Variants in IFNA14 observed in about 807,000 individuals in gnomAD.
The protein encoded by IFNA14 is interferon alpha 14, also known as interferon alpha-14.
For synonymous variants in IFNA14, 113 were observed against 76.8 expected, an observed-to-expected ratio of 1.47 and a Z score of -2.46; for missense variants, 337 against 214.9, an observed-to-expected ratio of 1.57 and a Z score of -3.55.
Position 21,239,304 on chromosome 9 carries a change from A to C in IFNA14, c.*62T>G, listed in dbSNP as rs1242346330. On this transcript the variant is annotated 3_prime_UTR_variant, in exon 1 of 1. Transcript: ENST00000380222. ...AGAAGTGAGTCTTTGAAATGGAAGA[A>C]CTCATGAAAGTGTGAGATGATGTAT... 6.2e-7 allele frequency: 1 copy of C among 1,600,108 alleles called. No homozygotes were observed. Among genetic ancestry groups the C allele is most frequent in the African/African-American group, 1.4e-5 (1 of 73,874 alleles).
Position 21,239,455 on chromosome 9 carries a change from G to A in IFNA14, c.481C>T (p.Pro161Ser), listed in dbSNP as rs1481273236. ...TLYLMEKKYS[P>S]CAWEVVRAEI... is the part of the protein sequence containing the mutation. Reference sequence around the variant, plus strand: ...GCTCTGACAACCTCCCAGGCACAAGGGCTGTATTTCTTCTCCATCAGATAA... The same window carrying A: ...GCTCTGACAACCTCCCAGGCACAAGAGCTGTATTTCTTCTCCATCAGATAA... Residue 161 changes from proline (P) to serine (S), a missense_variant, in exon 1 of 1, where the codon CCT (proline) becomes TCT (serine). Pro to Ser is a moderately conservative substitution (Grantham distance 74). Coordinates refer to ENST00000380222, the MANE Select transcript of IFNA14 (RefSeq NM_002172.3). The A allele has an allele frequency of 6.2e-7, 1 of 1,613,884 alleles. No homozygotes were observed. Among genetic ancestry groups the A allele is most frequent in the Non-Finnish European group, 8.5e-7 (1 of 1,180,014 alleles).
chr9:21,239,675 G>C lies in IFNA14; in HGVS notation c.261C>G (p.Thr87=), dbSNP rs776530419. Residue 87 remains threonine (T), a synonymous_variant, in exon 1 of 1, where the codon ACC becomes ACG. Transcript: ENST00000380222. ...ISVLHEMMQQ[T]FNLFSTKNSS... is the part of the protein sequence containing the mutation. ...AGTTCTTTGTGCTGAAGAGATTGAA[G>C]GTCTGCTGCATCATCTCATGGAGGA... The C allele has an allele frequency of 1.5e-5, 24 of 1,613,904 alleles. No individual in the cohort carries two copies. The South Asian group carries it at 2.3e-4, about 16-fold the overall frequency.
In IFNA14 at chr9:21,239,699, G is replaced by C; in HGVS notation, c.237C>G (p.Val79=). ...NQFQKAQAIS[V]LHEMMQQTFN... is the part of the protein sequence containing the mutation. Reference sequence around the variant, plus strand: ...AGGTCTGCTGCATCATCTCATGGAGGACAGAGATGGCTTGAGCTTTCTGGA... The same window carrying C: ...AGGTCTGCTGCATCATCTCATGGAGCACAGAGATGGCTTGAGCTTTCTGGA... Residue 79 remains valine (V), a synonymous_variant, in exon 1 of 1, where the codon GTC becomes GTG. Coordinates refer to ENST00000380222, the MANE Select transcript of IFNA14 (RefSeq NM_002172.3). 2 of 1,614,034 alleles carry C rather than the reference G, an allele frequency of 1.2e-6. No homozygotes were observed. The highest frequency in any genetic ancestry group is 1.7e-6 in the Non-Finnish European group (2 of 1,179,972).
At position 21,239,169 on chromosome 9, in the gene IFNA14, C is replaced by T. The variant is rs566382850; in HGVS notation, c.*197G>A. 9.6e-6 allele frequency: 5 copies of T among 523,232 alleles called. No individual in the cohort carries two copies. The African/African-American group carries it at 9.9e-5, about 10-fold the overall frequency. 32.4% of individuals were successfully genotyped at this position (523,232 alleles called of 1,614,324 possible). ...ATTTAAATAAATAGATGAAAGGAGACATCAGCATGGTCATCTGTAAAGGAC... is the reference window on the plus strand; with the variant it reads ...ATTTAAATAAATAGATGAAAGGAGATATCAGCATGGTCATCTGTAAAGGAC... On this transcript the variant is annotated 3_prime_UTR_variant, in exon 1 of 1. Transcript: ENST00000380222.
In IFNA14 at chr9:21,239,488, T is replaced by G; in HGVS notation, c.448A>C (p.Ile150Leu). The change falls in exon 1 of 1, where the codon ATC becomes CTC. Residue 150 changes from isoleucine to leucine, a missense_variant. Ile to Leu is a conservative substitution (Grantham distance 5). Coordinates refer to ENST00000380222, the MANE Select transcript of IFNA14 (RefSeq NM_002172.3). ...TTCTTCTCCATCAGATAAAGAGTGA[T>G]TCTTTGGAAGTATTTCTTCACAGCC... ...ILAVKKYFQR[I>L]TLYLMEKKYS... 5 of 1,614,144 alleles carry G rather than the reference T, an allele frequency of 3.1e-6. No homozygotes were observed. Among genetic ancestry groups the G allele is most frequent in the Non-Finnish European group, 4.2e-6 (5 of 1,180,026 alleles).
chr9:21,239,371 C>G lies in IFNA14; in HGVS notation c.565G>C (p.Asp189His), dbSNP rs770723376. The G allele has an allele frequency of 6.2e-7, 1 of 1,613,830 alleles. No homozygotes were observed. Residue 189 changes from aspartate (D) to histidine (H), a missense_variant, in exon 1 of 1, where the codon GAT (aspartate) becomes CAT (histidine). Asp to His is a moderately conservative substitution (Grantham distance 81, BLOSUM62 -1). Transcript: ENST00000380222. ...TNLQKRLRRK[D>H] ...TTTCCATGATGAACCAGTTTTCAAT[C>G]CTTCCTCCTTAATCTTTTTTGCAAG...
Position 21,239,037 on chromosome 9 carries a change from T to G in IFNA14, c.*329A>C, listed in dbSNP as rs1429120417. ...TTTAATGAAAAAGGAAATTAATATA[T>G]TGGCTAAATATGAAGAACATATTTG... On this transcript the variant is annotated 3_prime_UTR_variant, in exon 1 of 1. Coordinates refer to ENST00000380222, the MANE Select transcript of IFNA14 (RefSeq NM_002172.3). 6.5e-6 allele frequency: 1 copy of G among 154,436 alleles called. No individual in the cohort carries two copies. Among genetic ancestry groups the G allele is most frequent in the Non-Finnish European group, 1.4e-5 (1 of 69,884 alleles). 9.6% of individuals were successfully genotyped at this position (154,436 alleles called of 1,614,324 possible). A position where few individuals can be genotyped will look rare whatever the true frequency, so the allele number is the denominator to read the frequency against.
chr9:21,239,227 T>C lies in IFNA14; in HGVS notation c.*139A>G. 1 of 1,450,142 alleles carries C rather than the reference T, an allele frequency of 6.9e-7. No individual in the cohort carries two copies. Among genetic ancestry groups the C allele is most frequent in the Middle Eastern group, 2.5e-4 (1 of 3,962 alleles). 89.8% of individuals were successfully genotyped at this position (1,450,142 alleles called of 1,614,324 possible). On this transcript the variant is annotated 3_prime_UTR_variant, in exon 1 of 1. Coordinates refer to ENST00000380222, the MANE Select transcript of IFNA14 (RefSeq NM_002172.3). ...TGCACAGGTATACATGATGCTTCTT[T>C]ACACTCCTGAAAACATTTGAAAATT... is the stretch of plus-strand genomic sequence containing the variant.
the IFNA14 span, chr9:21,239,461 A>AGG: frequency 6.2e-7 from 1 of 1,614,078 alleles, no homozygotes; most frequent in Middle Eastern, 1.6e-4. Flanking sequence ...CAAGGGCTGT[A>AGG]TTTCTTCTCC....
In IFNA14 at chr9:21,239,431, C is replaced by T; in HGVS notation, c.505G>A (p.Ala169Thr). The T allele has an allele frequency of 6.2e-7, 1 of 1,614,130 alleles. No individual in the cohort carries two copies. The highest frequency in any genetic ancestry group is 1.1e-5 in the South Asian group (1 of 91,072). The change falls in exon 1 of 1, where the codon GCA becomes ACA. Residue 169 changes from alanine (A) to threonine (T), a missense_variant. Ala to Thr is a moderately conservative substitution (Grantham distance 58, BLOSUM62 0). Transcript: ENST00000380222. ...AAAGAGAGGGATCTCATGATTTCTG[C>T]TCTGACAACCTCCCAGGCACAAGGG... is the stretch of plus-strand genomic sequence containing the variant. ...YSPCAWEVVR[A>T]EIMRSLSFST...
chr9:21,239,201 C>G lies in IFNA14; in HGVS notation c.*165G>C. 1 of 1,116,528 alleles carries G rather than the reference C, an allele frequency of 9.0e-7. No homozygotes were observed. The highest frequency in any genetic ancestry group is 1.3e-6 in the Non-Finnish European group (1 of 787,134). 69.2% of individuals were successfully genotyped at this position (1,116,528 alleles called of 1,614,324 possible). On this transcript the variant is annotated 3_prime_UTR_variant, in exon 1 of 1. Transcript: ENST00000380222. ...ATGGTCATCTGTAAAGGACTAGTGC[C>G]TGCACAGGTATACATGATGCTTCTT...
chr9:21,239,399 T>G lies in IFNA14; in HGVS notation c.537A>C (p.Thr179=). 4 of 1,614,040 alleles carry G rather than the reference T, an allele frequency of 2.5e-6. No homozygotes were observed. Among genetic ancestry groups the G allele is most frequent in the Non-Finnish European group, 3.4e-6 (4 of 1,179,974 alleles). The change falls in exon 1 of 1, where the codon ACA becomes ACC. Residue 179 remains threonine (T), a synonymous_variant. Coordinates refer to ENST00000380222, the MANE Select transcript of IFNA14 (RefSeq NM_002172.3). ...TCCTCCTTAATCTTTTTTGCAAGTT[T>G]GTTGAAAAAGAGAGGGATCTCATGA... ...AEIMRSLSFS[T]NLQKRLRRKD
Position 21,239,842 on chromosome 9 carries a change from G to A in IFNA14, c.94C>T (p.Leu32=). 1 of 1,614,106 alleles carries A rather than the reference G, an allele frequency of 6.2e-7. No homozygotes were observed. The highest frequency in any genetic ancestry group is 8.5e-7 in the Non-Finnish European group (1 of 1,179,978). The change falls in exon 1 of 1, where the codon CTG becomes TTG. Residue 32 remains leucine, a synonymous_variant. Coordinates refer to ENST00000380222, the MANE Select transcript of IFNA14 (RefSeq NM_002172.3). ...AGCATCAAAGTCCTCCTGTTATTCA[G>A]GCTGTGGGTTTGAGACAGATTACAG... ...LGCNLSQTHS[L]NNRRTLMLMA...
rs1245872864 is a variant in IFNA14 at position 21,239,723 on chromosome 9, G to A, written c.213C>T (p.Phe71=). 1 of 1,614,096 alleles carries A rather than the reference G, an allele frequency of 6.2e-7. No homozygotes were observed. The highest frequency in any genetic ancestry group is 1.3e-5 in the African/African-American group (1 of 75,010). ...GGACAGAGATGGCTTGAGCTTTCTG[G>A]AACTGGTTGCCATCAAATTCCTCCT... ...FPQEEFDGNQ[F]QKAQAISVLH... is the part of the protein sequence containing the mutation. The change falls in exon 1 of 1, where the codon TTC becomes TTT. Residue 71 remains phenylalanine (F), a synonymous_variant. Coordinates refer to ENST00000380222, the MANE Select transcript of IFNA14 (RefSeq NM_002172.3).
Position 21,239,908 on chromosome 9 carries a change from C to A in IFNA14, c.28G>T (p.Ala10Ser), listed in dbSNP as rs780704508. MALPFALMM[A>S]LVVLSCKSSC... Reference sequence around the variant, plus strand: ...GACTTGCAGCTGAGCACCACCAGGGCCATCATTAAAGCAAAGGGCAATGCC... The same window carrying A: ...GACTTGCAGCTGAGCACCACCAGGGACATCATTAAAGCAAAGGGCAATGCC... Residue 10 changes from alanine to serine, a missense_variant, in exon 1 of 1, where the codon GCC (alanine) becomes TCC (serine). Physicochemically the swap from Ala to Ser is moderately conservative, Grantham distance 99. Transcript: ENST00000380222. 1 of 1,614,050 alleles carries A rather than the reference C, an allele frequency of 6.2e-7. No individual in the cohort carries two copies. Among genetic ancestry groups the A allele is most frequent in the Admixed American group, 1.7e-5 (1 of 59,992 alleles).
In IFNA14 at chr9:21,239,624, G is replaced by A. The variant is rs146394527; in HGVS notation, c.312C>T (p.Leu104=). 3.7e-6 allele frequency: 6 copies of A among 1,613,896 alleles called. No homozygotes were observed. Among genetic ancestry groups the A allele is most frequent in the Non-Finnish European group, 2.5e-6 (3 of 1,179,922 alleles). The change falls in exon 1 of 1, where the codon CTC becomes CTT. Residue 104 remains leucine, a synonymous_variant. Coordinates refer to ENST00000380222, the MANE Select transcript of IFNA14 (RefSeq NM_002172.3). ...AAAGTTCAATGTAGAATTTTTCTAG[G>A]AGGGTCTCATCCCAAGCAGCAGATG... ...KNSSAAWDET[L]LEKFYIELFQ... is the part of the protein sequence containing the mutation.
chr9:21,239,158 A>T lies in IFNA14; in HGVS notation c.*208T>A. The T allele has an allele frequency of 2.4e-6, 1 of 425,376 alleles. No homozygotes were observed. Among genetic ancestry groups the T allele is most frequent in the Non-Finnish European group, 4.0e-6 (1 of 250,338 alleles). 26.4% of individuals were successfully genotyped at this position (425,376 alleles called of 1,614,324 possible). ...AATAAATAAATATTTAAATAAATAGATGAAAGGAGACATCAGCATGGTCAT... is the reference window on the plus strand; with the variant it reads ...AATAAATAAATATTTAAATAAATAGTTGAAAGGAGACATCAGCATGGTCAT... On this transcript the variant is annotated 3_prime_UTR_variant, in exon 1 of 1. Transcript: ENST00000380222.
Position 21,239,497 on chromosome 9 carries a change from A to C in IFNA14, c.439T>G (p.Phe147Val). The C allele has an allele frequency of 6.2e-7, 1 of 1,614,134 alleles. No homozygotes were observed. Among genetic ancestry groups the C allele is most frequent in the East Asian group, 2.2e-5 (1 of 44,872 alleles). ...ATCAGATAAAGAGTGATTCTTTGGA[A>C]GTATTTCTTCACAGCCAGGATGGAG... The part of the protein sequence containing the change: ...EDSILAVKKY[F>V]QRITLYLMEK... The change falls in exon 1 of 1, where the codon TTC (phenylalanine) becomes GTC (valine). Residue 147 changes from phenylalanine (F) to valine (V), a missense_variant. Physicochemically the swap from Phe to Val is conservative, Grantham distance 50 (BLOSUM62 -1). Transcript: ENST00000380222.
Position 21,239,921 on chromosome 9 carries a change from A to G in IFNA14, c.15T>C (p.Phe5=). 2 of 1,614,130 alleles carry G rather than the reference A, an allele frequency of 1.2e-6. No individual in the cohort carries two copies. The highest frequency in any genetic ancestry group is 2.2e-5 in the East Asian group (1 of 44,886). ...GCACCACCAGGGCCATCATTAAAGC[A>G]AAGGGCAATGCCATTGGGAATCCCG... MALP[F]ALMMALVVLS... is the part of the protein sequence containing the mutation. The change falls in exon 1 of 1, where the codon TTT becomes TTC. Residue 5 remains phenylalanine (F), a synonymous_variant. Coordinates refer to ENST00000380222, the MANE Select transcript of IFNA14 (RefSeq NM_002172.3).
Sources: allele counts gnomAD v4.1 joint callset, GRCh38; gene constraint gnomAD v4.1.1; transcripts MANE v1.5; gene names NCBI Gene and HGNC (gene_info 2026-07-23, HGNC 2026-07-21).